The following RAB27B variants were observed in gnomAD, a reference collection of about 807,000 sequenced individuals.
RAB27B encodes the protein RAB27B, member RAS oncogene family, also known as ras-related protein Rab-27B.
Under a neutral mutation model 24.6 loss-of-function variants are expected in RAB27B, and 15 were observed. That is an observed-to-expected ratio of 0.61 (90% CI 0.41 to 0.94). The LOEUF (loss-of-function observed/expected upper bound fraction) is 0.94, where lower values mean the gene tolerates loss of function less well. Among genes scored for constraint, RAB27B ranks in the 40% least tolerant of loss-of-function variants. The probability of loss-of-function intolerance (pLI) is 0.00; values close to 1 mark genes in which losing one functional copy is unlikely to be tolerated. For missense variants in RAB27B, 261 were observed against 266.8 expected, an observed-to-expected ratio of 0.98 and a Z score of 0.15; for synonymous variants, 105 against 92.5, an observed-to-expected ratio of 1.14 and a Z score of -0.78.
At chr18:54,749,130 T>A (rs1157243225) in intron 2 of RAB27B, among the ~76,000 whole-genome samples, 1 of 152,174 alleles carries the variant, frequency 6.6e-6, no homozygotes, top group African/African-American at 2.4e-5. Flanking sequence ...TGATCCTTCC[T>A]GGTTATCTGA....
chr18:54,806,687 T>C (rs1210196451), intron 2 of RAB27B, among the ~76,000 whole-genome samples: 1 of 151,440 alleles, frequency 6.6e-6, no homozygotes, highest in African/African-American at 2.4e-5. Flanking sequence ...GTTATGTTAG[T>C]TACTATCAAG....
intron 2 of RAB27B, among the ~76,000 whole-genome samples, chr18:54,753,491 A>G (rs991652233): frequency 6.6e-6 from 1 of 152,192 alleles, no homozygotes; most frequent in Non-Finnish European, 1.5e-5. Context: ...TAATGTACCC[A>G]TCTCAGTGGT....
At chr18:54,801,824 A>G (rs568461922) in intron 2 of RAB27B, among the ~76,000 whole-genome samples, 1 of 152,178 alleles carries the variant, frequency 6.6e-6, no homozygotes, top group Admixed American at 6.5e-5. Context: ...AAACCTGTGG[A>G]TGATATGGGC....
chr18:54,888,945 T>A (rs1035399933), intron 5 of RAB27B, among the ~76,000 whole-genome samples: 2 of 152,136 alleles, frequency 1.3e-5, no homozygotes, highest in African/African-American at 4.8e-5. Context: ...CCCTCCTAAT[T>A]TTTTTAAACA....
At chr18:54,781,958 C>A (rs184660323) in intron 2 of RAB27B, among the ~76,000 whole-genome samples, 82 of 152,248 alleles carry the variant, frequency 5.4e-4, no homozygotes, top group Non-Finnish European at 9.0e-4. Flanking sequence ...AATGTGCCCA[C>A]TAAGCTTTTA....
At position 54,877,706 on chromosome 18, in the gene RAB27B, A is replaced by T; in HGVS notation, c.121A>T (p.Thr41Ser). 6.3e-7 allele frequency: 1 copy of T among 1,593,362 alleles called. No homozygotes were observed. Among genetic ancestry groups the T allele is most frequent in the Non-Finnish European group, 8.5e-7 (1 of 1,174,430 alleles). ...TAAATTCAATCCCAAATTCATCACTACAGTAGGAATAGACTTTCGGGAAAA... is the reference window on the plus strand; with the variant it reads ...TAAATTCAATCCCAAATTCATCACTTCAGTAGGAATAGACTTTCGGGAAAA... ...DNKFNPKFITTVGIDFREKRV... is the reference protein window; with the variant it reads ...DNKFNPKFITSVGIDFREKRV... The change falls in exon 2 of 6, where the codon ACA (threonine) becomes TCA (serine). Residue 41 changes from threonine (T) to serine (S), a missense_variant. Physicochemically the swap from Thr to Ser is moderately conservative, Grantham distance 58 (BLOSUM62 1). Coordinates refer to ENST00000262094, the MANE Select transcript of RAB27B (RefSeq NM_004163.4).
At chr18:54,773,513 CTG>C (rs1216843019) in intron 2 of RAB27B, among the ~76,000 whole-genome samples, 1 of 152,206 alleles carries the variant, frequency 6.6e-6, no homozygotes, top group Non-Finnish European at 1.5e-5. Flanking sequence ...TACTCTTTCA[CTG>C]TGAATTTTGT....
chr18:54,880,413 G>A (rs1431456874), intron 3 of RAB27B: 1 of 152,218 alleles, frequency 6.6e-6, no homozygotes, highest in Non-Finnish European at 1.5e-5. Context: ...AATTGGCAGA[G>A]AGGATATTTA....
At chr18:54,770,407 TG>T (rs1195648041) in intron 2 of RAB27B, among the ~76,000 whole-genome samples, 10 of 152,004 alleles carry the variant, frequency 6.6e-5, no homozygotes, top group Non-Finnish European at 8.8e-5. Context: ...GGGATCTAAG[TG>T]TGTACTCCTT....
At chr18:54,848,918 C>G (rs1016015856) in intron 1 of RAB27B, among the ~76,000 whole-genome samples, 1 of 152,048 alleles carries the variant, frequency 6.6e-6, no homozygotes, top group African/African-American at 2.4e-5. Context: ...AAAAAAGTAT[C>G]ACTTTGATTA....
At chr18:54,760,202 T>G (rs1432822807) in intron 2 of RAB27B, among the ~76,000 whole-genome samples, 2 of 152,104 alleles carry the variant, frequency 1.3e-5, no homozygotes, top group Non-Finnish European at 2.9e-5. Context: ...CACTTACCTA[T>G]GATCTCCCCA....
rs542698045 is a variant in RAB27B at position 54,890,118 on chromosome 18, T to G, written c.*705T>G. On this transcript the variant is annotated 3_prime_UTR_variant, in exon 6 of 6. Coordinates refer to ENST00000262094, the MANE Select transcript of RAB27B (RefSeq NM_004163.4). The stretch of plus-strand genomic sequence containing the variant: ...AAGACAAATACCCTGGGAAAAAAAA[T>G]GAAAGTATGAGAAATTGGCATTTCT... 1.2e-4 allele frequency: 18 copies of G among 152,000 alleles called. No homozygotes were observed. Among genetic ancestry groups the G allele is most frequent in the Non-Finnish European group, 2.5e-4 (17 of 67,960 alleles). 9.4% of individuals were successfully genotyped at this position (152,000 alleles called of 1,614,324 possible). A position where few individuals can be genotyped will look rare whatever the true frequency, so the allele number is the denominator to read the frequency against.
chr18:54,840,742 G>C (rs1598948509), intron 1 of RAB27B, among the ~76,000 whole-genome samples: 1 of 152,146 alleles, frequency 6.6e-6, no homozygotes, highest in African/African-American at 2.4e-5. Flanking sequence ...CCATCCTCAG[G>C]AAGGGAATTT....
At chr18:54,878,926 T>C (rs1912812059) in intron 2 of RAB27B, among the ~76,000 whole-genome samples, 1 of 152,176 alleles carries the variant, frequency 6.6e-6, no homozygotes, top group South Asian at 2.1e-4. Context: ...TGTAAAGCAC[T>C]TTACTGTTTT....
intron 2 of RAB27B, among the ~76,000 whole-genome samples, chr18:54,739,536 CT>C (rs1910010701): frequency 6.9e-6 from 1 of 145,658 alleles, no homozygotes; most frequent in Non-Finnish European, 1.5e-5. Flanking sequence ...TAAATTCTTT[CT>C]TTCTTTTTTT....
chr18:54,788,406 G>A lies in RAB27B; in HGVS notation c.-20+70265G>A, dbSNP rs556452484. ...CAAACCCTGCCTCCTGGGTTCAAGT[G>A]ATTCCTCTGCTTCAGCCTCCTGAAT... On this transcript the variant is annotated intron_variant, in intron 2 of 4. Coordinates refer to the RAB27B transcript ENST00000586570. 3.3e-5 allele frequency among the ~76,000 whole-genome samples: 5 copies of A among 152,286 alleles called. No homozygotes were observed. The East Asian group carries it at 9.7e-4, about 29-fold the overall frequency.
chr18:54,783,531 A>T (rs1908984139), intron 2 of RAB27B, among the ~76,000 whole-genome samples: 1 of 150,536 alleles, frequency 6.6e-6, no homozygotes, highest in Non-Finnish European at 1.5e-5. Context: ...ATACATAGTG[A>T]TTATTCTACT....
chr18:54,866,309 G>A lies in RAB27B; in HGVS notation c.-19-11258G>A, dbSNP rs1369347290. On this transcript the variant is annotated intron_variant, in intron 1 of 5. Coordinates refer to ENST00000262094, the MANE Select transcript of RAB27B (RefSeq NM_004163.4). ...CCCGCCCCTGCCCCCCGCGCCCTGCGCTCCAATATGGGGTCTCGCTCTGTA... is the reference window on the plus strand; with the variant it reads ...CCCGCCCCTGCCCCCCGCGCCCTGCACTCCAATATGGGGTCTCGCTCTGTA... Among the ~76,000 whole-genome samples, 6 of 148,296 alleles carry A rather than the reference G, an allele frequency of 4.0e-5. No individual in the cohort carries two copies. In the East Asian group the frequency reaches 1.3e-3, roughly 31 times the overall value.
At chr18:54,876,502 C>T (rs1912708959) in intron 1 of RAB27B, among the ~76,000 whole-genome samples, 1 of 152,150 alleles carries the variant, frequency 6.6e-6, no homozygotes, top group Non-Finnish European at 1.5e-5. Flanking sequence ...CCTTCCTTTA[C>T]ATGAGATATG....
Sources: gnomAD v4.1 joint callset for allele counts (sites outside exome capture counted in the v4.1 genomes callset) on GRCh38, gnomAD v4.1.1 for gene constraint, MANE v1.5 for transcripts, NCBI Gene and HGNC (gene_info 2026-07-23, HGNC 2026-07-21) for gene names.